The following TRPC1 variants were observed in gnomAD, a reference collection of about 807,000 sequenced individuals.
The protein encoded by TRPC1 is transient receptor potential cation channel subfamily C member 1, also known as short transient receptor potential channel 1.
Under a neutral mutation model 88.2 loss-of-function variants are expected in TRPC1, and 42 were observed. The ratio of observed to expected loss-of-function variants is 0.48; its 90% CI spans 0.37 to 0.62. TRPC1 has a LOEUF of 0.62. Among genes scored for constraint, TRPC1 ranks in the 20% least tolerant of loss-of-function variants. TRPC1 has a pLI of 0.00. For missense variants in TRPC1, 699 were observed against 957.3 expected (o/e 0.73, Z 3.56); for synonymous variants, 288 against 331.8 (o/e 0.87, Z 1.43).
intron 4 of TRPC1, among the ~76,000 whole-genome samples, chr3:142,754,554 C>A (rs1169602641): frequency 1.3e-5 from 2 of 152,012 alleles, no homozygotes; most frequent in Non-Finnish European, 2.9e-5. Context: ...AAATAAAAAA[C>A]AAAAATTTAA....
chr3:142,749,813 G>A (rs1272503120), intron 4 of TRPC1, among the ~76,000 whole-genome samples: 1 of 152,156 alleles, frequency 6.6e-6, no homozygotes, highest in African/African-American at 2.4e-5. Context: ...ACAAAAGCAA[G>A]CAACGGGGAA....
At chr3:142,803,946 C>T in intron 10 of TRPC1, 31 bp from the exon 11 acceptor site, 1 of 1,594,942 alleles carries the variant, frequency 6.3e-7, no homozygotes, top group Non-Finnish European at 8.6e-7. Context: ...CTTTAATTGC[C>T]TTTTAAACAG....
chr3:142,791,822 TA>T (rs1936304259), intron 8 of TRPC1, among the ~76,000 whole-genome samples: 1 of 152,014 alleles, frequency 6.6e-6, no homozygotes, highest in African/African-American at 2.4e-5. Context: ...TATATATTTT[TA>T]TTTAGAATTT....
chr3:142,803,157 G>A (rs1936676159), intron 10 of TRPC1, among the ~76,000 whole-genome samples: 1 of 152,154 alleles, frequency 6.6e-6, no homozygotes, highest in Admixed American at 6.6e-5. Flanking sequence ...GACAAATAAA[G>A]CATGAGCAAA....
intron 1 of TRPC1, among the ~76,000 whole-genome samples, chr3:142,725,969 TAATAATATTGTTAAAGTACACCATGG>T (rs1410357350): frequency 3.9e-5 from 6 of 152,206 alleles, no homozygotes; most frequent in Non-Finnish European, 7.3e-5. Flanking sequence ...AAAGCAATAT[TAATAATATTGTTAAAGTACACCATGG>T]ACACAACTTT....
intron 12 of TRPC1, among the ~76,000 whole-genome samples, chr3:142,805,125 TATATACACACACACAC>T (rs1234166659): frequency 6.5e-5 from 8 of 123,784 alleles, no homozygotes; most frequent in East Asian, 2.2e-4. Flanking sequence ...AACAAATATA[TATATACACACACACAC>T]ACACACACAC....
intron 2 of TRPC1, among the ~76,000 whole-genome samples, chr3:142,737,156 A>G (rs1214172751): frequency 1.3e-5 from 2 of 151,750 alleles, no homozygotes; most frequent in East Asian, 3.9e-4. Context: ...AGGGAATTTG[A>G]TAATATTTTC....
chr3:142,781,154 C>T, intron 6 of TRPC1, 125 bp downstream of exon 6: 3 of 682,580 alleles, frequency 4.4e-6, no homozygotes, highest in Non-Finnish European at 6.6e-6. Context: ...AATTGTGTGT[C>T]TTGGGATAGT....
At chr3:142,788,643 C>T (rs545457741) in intron 7 of TRPC1, among the ~76,000 whole-genome samples, 3 of 151,952 alleles carry the variant, frequency 2.0e-5, no homozygotes, top group Non-Finnish European at 4.4e-5. Flanking sequence ...ATAGGTGAGA[C>T]ACAAGGAGAA....
chr3:142,800,026 G>T (rs1180359263), intron 9 of TRPC1, among the ~76,000 whole-genome samples: 2 of 152,088 alleles, frequency 1.3e-5, no homozygotes, highest in African/African-American at 4.8e-5. Flanking sequence ...TTTCCTCAAG[G>T]TGATCTTTTC....
intron 2 of TRPC1, among the ~76,000 whole-genome samples, chr3:142,738,389 G>A (rs1934218453): frequency 6.6e-6 from 1 of 152,026 alleles, no homozygotes; most frequent in African/African-American, 2.4e-5. Flanking sequence ...AAGACAAATT[G>A]GACAATTAAA....
rs192469716 is a variant in TRPC1 at position 142,753,965 on chromosome 3, G to A, written c.632+5505G>A. Among the ~76,000 whole-genome samples, 26 of 151,940 alleles carry A rather than the reference G, an allele frequency of 1.7e-4. No individual in the cohort carries two copies. In the East Asian group the frequency reaches 4.8e-3, roughly 28 times the overall value. ...CCAGATGAGGTGACTTGTACCTGTG[G>A]TCCCAGCTATGCAGGAGGCTGAGGT... On this transcript the variant is annotated intron_variant, in intron 4 of 12. Transcript: ENST00000476941.
chr3:142,793,288 A>G (rs1161968500), intron 9 of TRPC1, among the ~76,000 whole-genome samples: 1 of 152,092 alleles, frequency 6.6e-6, no homozygotes, highest in Non-Finnish European at 1.5e-5. Context: ...ATCAAAATGA[A>G]TCTCACATTT....
chr3:142,764,618 G>T (rs975399358), intron 4 of TRPC1, among the ~76,000 whole-genome samples: 1 of 151,988 alleles, frequency 6.6e-6, no homozygotes, highest in African/African-American at 2.4e-5. Context: ...TGGTTTCATT[G>T]AGAAGTCTGT....
chr3:142,792,901 A>G lies in TRPC1; in HGVS notation c.1515A>G (p.Ala505=), dbSNP rs770552220. ...TGGCAGAAGGGCTTTTTGCATTTGC[A>G]AATGTTCTAAGTTATCTTCGTCTCT... ...TLVAEGLFAF[A]NVLSYLRLFF... is the part of the protein sequence containing the mutation. Residue 505 remains alanine, a synonymous_variant, in exon 9 of 13, where the codon GCA becomes GCG. Coordinates refer to ENST00000476941, the MANE Select transcript of TRPC1 (RefSeq NM_001251845.2). The surrounding 1 kb of genome is among the most constrained non-coding windows in gnomAD (Gnocchi z 4.0). 1 of 1,610,640 alleles carries G rather than the reference A, an allele frequency of 6.2e-7. No homozygotes were observed. The highest frequency in any genetic ancestry group is 1.1e-5 in the South Asian group (1 of 90,818).
chr3:142,724,475 T>G lies in TRPC1; in HGVS notation c.-85T>G. ...GAACGACTCATCCTTTTTCCAGCCCTGGGGCGTGGCTGGGGTCGGGGTCGG... is the reference window on the plus strand; with the variant it reads ...GAACGACTCATCCTTTTTCCAGCCCGGGGGCGTGGCTGGGGTCGGGGTCGG... On this transcript the variant is annotated 5_prime_UTR_variant, in exon 1 of 13. Coordinates refer to ENST00000476941, the MANE Select transcript of TRPC1 (RefSeq NM_001251845.2). This position sits in a 1 kb window ranked among gnomAD's most constrained non-coding sequence, Gnocchi z 5.6. 1.5e-6 allele frequency: 2 copies of G among 1,332,290 alleles called. No individual in the cohort carries two copies. Among genetic ancestry groups the G allele is most frequent in the South Asian group, 2.9e-5 (2 of 68,138 alleles). 82.5% of individuals were successfully genotyped at this position (1,332,290 alleles called of 1,614,324 possible). A position where few individuals can be genotyped will look rare whatever the true frequency, so the allele number is the denominator to read the frequency against.
In TRPC1 at chr3:142,788,735, T is replaced by C. The variant is rs144279683; in HGVS notation, c.1298-2284T>C. On this transcript the variant is annotated intron_variant, in intron 7 of 12. Transcript: ENST00000476941. ...GGCTGGGATTGCTGCCTTCTAATGT[T>C]ATTATTAACATTAATTCTAAAAAAA... Among the ~76,000 whole-genome samples, 799 of 152,270 alleles carry C rather than the reference T, an allele frequency of 5.2e-3. 13 individuals carry two copies. Among genetic ancestry groups the C allele is most frequent in the Admixed American group, 0.017 (263 of 15,288 alleles).
chr3:142,763,981 TATAC>T (rs1271775253), intron 4 of TRPC1, among the ~76,000 whole-genome samples: 2 of 62,670 alleles, frequency 3.2e-5, no homozygotes, highest in African/African-American at 3.2e-4. Context: ...TATATATATA[TATAC>T]ACATACATAC....
At chr3:142,758,730 A>G (rs1935073390) in intron 4 of TRPC1, among the ~76,000 whole-genome samples, 2 of 151,180 alleles carry the variant, frequency 1.3e-5, no homozygotes, top group South Asian at 4.2e-4. Flanking sequence ...CATGTCGTGC[A>G]GGTTTGTTAC....
Sources: allele counts gnomAD v4.1 joint callset (sites outside exome capture counted in the v4.1 genomes callset), GRCh38; gene constraint gnomAD v4.1.1; non-coding constraint Gnocchi (gnomAD v3.1); transcripts MANE v1.5; gene names NCBI Gene and HGNC (gene_info 2026-07-23, HGNC 2026-07-21).